The following ZNF138 variants were observed in gnomAD, a reference collection of about 807,000 sequenced individuals.
ZNF138 encodes zinc finger protein 138.
A neutral mutation model predicts 33.0 loss-of-function variants in ZNF138; 33 were observed. The observed-to-expected ratio is 1.00, with a 90% CI of 0.76 to 1.34. The LOEUF (loss-of-function observed/expected upper bound fraction) is 1.34, where lower values mean the gene tolerates loss of function less well. Among genes scored for constraint, ZNF138 ranks in the 40% most tolerant of loss-of-function variants. The pLI is 0.00. For synonymous variants in ZNF138, 139 were observed against 120.4 expected (o/e 1.15, Z -1.01); for missense variants, 360 against 370.8 (o/e 0.97, Z 0.24).
At chr7:64,851,179 G>A in the ZNF138 span, among the ~76,000 whole-genome samples, 64,199 of 151,868 alleles carry the variant, frequency 0.42, 14,068 homozygotes, top group Middle Eastern at 0.5. Context: ...CTGTGCAATA[G>A]AACTCAAAAC....
At chr7:64,809,470 G>C (rs188270181) in intron 1 of ZNF138, among the ~76,000 whole-genome samples, 255 of 466 alleles carry the variant, frequency 0.55, 79 homozygotes, top group Non-Finnish European at 0.8. Flanking sequence ...CTCCCGGATG[G>C]GGCGGCTGGC....
downstream of ZNF138, among the ~76,000 whole-genome samples, chr7:64,834,859 T>G (rs1790316576): frequency 6.6e-6 from 1 of 152,230 alleles, no homozygotes; most frequent in Non-Finnish European, 1.5e-5. Context: ...ATAATTTTAC[T>G]AATTGTACTT....
At chr7:64,844,602 A>T in the ZNF138 span, among the ~76,000 whole-genome samples, 172 of 3,974 alleles carry the variant, frequency 0.043, no homozygotes, top group Middle Eastern at 0.5. Context: ...TTAATTTTTT[A>T]TTTTTTTTTA....
At chr7:64,810,194 G>C (rs898429111) in intron 1 of ZNF138, among the ~76,000 whole-genome samples, 25 of 146,774 alleles carry the variant, frequency 1.7e-4, no homozygotes, top group African/African-American at 6.3e-4. Flanking sequence ...ACGAGACTCC[G>C]TCTGCAATCC....
chr7:64,857,659 TAAAAAAAAA>T, the ZNF138 span, among the ~76,000 whole-genome samples: 2 of 480 alleles, frequency 4.2e-3, 1 homozygote, highest in African/African-American at 4.3e-3. Context: ...AAAATAAATT[TAAAAAAAAA>T]AAAAAAAAAA....
chr7:64,798,694 G>A (rs1436722878), intron 1 of ZNF138, among the ~76,000 whole-genome samples: 2 of 151,212 alleles, frequency 1.3e-5, no homozygotes, highest in Non-Finnish European at 2.9e-5. Flanking sequence ...CAGGAGAAAC[G>A]CTTGAACCTG....
At chr7:64,850,630 T>G in the ZNF138 span, among the ~76,000 whole-genome samples, 1,950 of 152,332 alleles carry the variant, frequency 0.013, 34 homozygotes, top group African/African-American at 0.044. Context: ...GTTCCTTGTT[T>G]CATTCCAGTT....
chr7:64,833,222 A>G lies in ZNF138; in HGVS notation c.*1020A>G, dbSNP rs1790233427. The G allele has an allele frequency of 9.3e-6, 2 of 214,150 alleles. No individual in the cohort carries two copies. The highest frequency in any genetic ancestry group is 7.7e-5 in the South Asian group (1 of 13,012). 13.3% of individuals were successfully genotyped at this position (214,150 alleles called of 1,614,324 possible). A position where few individuals can be genotyped will look rare whatever the true frequency, so the allele number is the denominator to read the frequency against. On this transcript the variant is annotated 3_prime_UTR_variant, in exon 4 of 4. Transcript: ENST00000307355. ...GTCTTCAACCCTTTCTGCACATAAT[A>G]TAATTCATACTGGAGAGAAACCCCA...
intron 1 of ZNF138, among the ~76,000 whole-genome samples, chr7:64,807,978 G>C (rs1172760500): frequency 2.6e-5 from 4 of 152,168 alleles, no homozygotes; most frequent in African/African-American, 9.7e-5. Context: ...AGCCAATCAA[G>C]ACAGGTGATC....
At chr7:64,830,806 A>G in intron 3 of ZNF138, 1 of 1,057,772 alleles carries the variant, frequency 9.5e-7, no homozygotes, top group Admixed American at 3.5e-5. Context: ...GTCTGGCTAA[A>G]GATTCTGAGA....
the ZNF138 span, among the ~76,000 whole-genome samples, chr7:64,844,672 T>TTTTGTTTTGTTTTG: frequency 6.6e-6 from 1 of 150,464 alleles, no homozygotes; most frequent in African/African-American, 2.5e-5. Context: ...TTTATGTGTT[T>TTTTGTTTTGTTTTG]TTTTGTTTTG....
At chr7:64,825,455 G>A (rs1036667082) in intron 3 of ZNF138, among the ~76,000 whole-genome samples, 1 of 151,558 alleles carries the variant, frequency 6.6e-6, no homozygotes, top group African/African-American at 2.4e-5. Context: ...ACAGGCCTGA[G>A]CCACCGCACC....
chr7:64,818,748 TAA>T (rs1205847469), intron 3 of ZNF138, among the ~76,000 whole-genome samples: 32 of 134,256 alleles, frequency 2.4e-4, no homozygotes, highest in Admixed American at 3.8e-4. Context: ...AGACTCCATC[TAA>T]AAAAAAAAAA....
intron 3 of ZNF138, among the ~76,000 whole-genome samples, chr7:64,825,721 G>A (rs1023104251): frequency 1.3e-5 from 2 of 151,384 alleles, no homozygotes; most frequent in Non-Finnish European, 2.9e-5. Flanking sequence ...TGTATTTTCG[G>A]TAGAGACAGG....
intron 1 of ZNF138, among the ~76,000 whole-genome samples, chr7:64,796,234 G>A (rs1786677294): frequency 6.6e-6 from 1 of 152,202 alleles, no homozygotes; most frequent in Admixed American, 6.5e-5. Flanking sequence ...TCAAGAACTT[G>A]CAAAGTGAAA....
At chr7:64,852,615 T>G in the ZNF138 span, 2 of 1,501,324 alleles carry the variant, frequency 1.3e-6, no homozygotes, top group East Asian at 4.5e-5. Context: ...CCGCCTGTCC[T>G]GTTGAGCCTC....
the ZNF138 span, among the ~76,000 whole-genome samples, chr7:64,840,488 G>A: frequency 6.6e-6 from 1 of 151,554 alleles, no homozygotes; most frequent in Non-Finnish European, 1.5e-5. Flanking sequence ...TCATTATATG[G>A]CATTTTTTGA....
At chr7:64,853,210 AGTG>A in the ZNF138 span, 3 of 1,602,132 alleles carry the variant, frequency 1.9e-6, no homozygotes, top group African/African-American at 4.0e-5. Flanking sequence ...TCTTCTTGGA[AGTG>A]GTTCTGTAAA....
the ZNF138 span, among the ~76,000 whole-genome samples, chr7:64,854,413 G>A: frequency 6.6e-6 from 1 of 152,158 alleles, no homozygotes; most frequent in Non-Finnish European, 1.5e-5. Flanking sequence ...GCTAACTTTT[G>A]TATTTTTAGT....
Sources: allele counts gnomAD v4.1 joint callset (sites outside exome capture counted in the v4.1 genomes callset), GRCh38; gene constraint gnomAD v4.1.1; transcripts MANE v1.5; gene names NCBI Gene and HGNC (gene_info 2026-07-23, HGNC 2026-07-21).